ADD2: variants seen among roughly 807,000 people sequenced by gnomAD.
ADD2 encodes beta-adducin.
A neutral mutation model predicts 83.0 loss-of-function variants in ADD2; 23 were observed. The ratio of observed to expected loss-of-function variants is 0.28; its 90% CI spans 0.20 to 0.39. ADD2 has a LOEUF of 0.39. Ranked by LOEUF, ADD2 falls within the 10% of genes least tolerant of loss-of-function variation. ADD2 has a pLI of 1.00. For missense variants in ADD2, 758 were observed against 944.9 expected (o/e 0.80, Z 2.59); for synonymous variants, 375 against 375.4 (o/e 1.00, Z 0.01).
chr2:70,690,374 G>A (rs1216422978), intron 8 of ADD2, among the ~76,000 whole-genome samples: 2 of 152,162 alleles, frequency 1.3e-5, no homozygotes, highest in African/African-American at 4.8e-5. Context: ...TGGGATTACG[G>A]GCATGAGCCC....
intron 12 of ADD2, among the ~76,000 whole-genome samples, chr2:70,677,539 A>T (rs1174555395): frequency 6.6e-6 from 1 of 152,250 alleles, no homozygotes; most frequent in South Asian, 2.1e-4. Context: ...GCTGGTGTGT[A>T]AACCAAGCTG....
chr2:70,724,918 A>C (rs1553377967), intron 1 of ADD2, among the ~76,000 whole-genome samples: 1 of 152,236 alleles, frequency 6.6e-6, no homozygotes, highest in African/African-American at 2.4e-5. Flanking sequence ...CTCTCCAGAA[A>C]GTGGAACAAA....
chr2:70,684,569 G>C (rs1670622821), intron 9 of ADD2, among the ~76,000 whole-genome samples: 1 of 152,204 alleles, frequency 6.6e-6, no homozygotes, highest in Admixed American at 6.5e-5. Context: ...TTTTTTAAAA[G>C]TCACTTGAAA....
intron 1 of ADD2, among the ~76,000 whole-genome samples, chr2:70,716,312 T>A (rs1672464749): frequency 6.6e-6 from 1 of 152,042 alleles, no homozygotes. Flanking sequence ...CCCTGACCTC[T>A]CTGCATTTGC....
chr2:70,758,643 T>A (rs61188071), intron 1 of ADD2, among the ~76,000 whole-genome samples: 98 of 151,862 alleles, frequency 6.5e-4, no homozygotes, highest in African/African-American at 1.8e-3. Context: ...ACCAGAATTT[T>A]AAAAAAAATA....
intron 1 of ADD2, among the ~76,000 whole-genome samples, chr2:70,758,045 C>G (rs1235399527): frequency 6.6e-6 from 1 of 152,192 alleles, no homozygotes. Flanking sequence ...GAACAAATCT[C>G]CATCACTTCT....
chr2:70,695,209 T>G lies in ADD2; in HGVS notation c.555+512A>C, dbSNP rs1022403515. ...TGTATCTGAGAAGGATTGGGCCTTT[T>G]CTGCTTCTAAGACAGTCCTTTCTAC... is the stretch of plus-strand genomic sequence containing the variant. On this transcript the variant is annotated intron_variant, in intron 6 of 15. Coordinates refer to ENST00000264436, the MANE Select transcript of ADD2 (RefSeq NM_001617.4). Among the ~76,000 whole-genome samples, 5 of 152,300 alleles carry G rather than the reference T, an allele frequency of 3.3e-5. No individual in the cohort carries two copies. In the East Asian group the frequency reaches 7.7e-4, roughly 24 times the overall value.
intron 8 of ADD2, 124 bp from the exon 9 acceptor site, chr2:70,688,246 C>T: frequency 1.5e-6 from 1 of 669,886 alleles, no homozygotes; most frequent in Non-Finnish European, 2.6e-6. Context: ...CTCCCAACTC[C>T]TTATGTTCTC....
chr2:70,734,918 G>A (rs560684470), intron 1 of ADD2, among the ~76,000 whole-genome samples: 11 of 152,252 alleles, frequency 7.2e-5, no homozygotes, highest in African/African-American at 2.4e-4. Flanking sequence ...CATAGCCCTG[G>A]AAGAACTTGT....
At chr2:70,675,706 T>A in intron 13 of ADD2, 1 of 985,436 alleles carries the variant, frequency 1.0e-6, no homozygotes, top group South Asian at 4.7e-5. Context: ...GCCCGCCAGG[T>A]CTTCTGCCCC....
At chr2:70,722,637 T>C (rs934749673) in intron 1 of ADD2, among the ~76,000 whole-genome samples, 1 of 152,218 alleles carries the variant, frequency 6.6e-6, no homozygotes, top group Non-Finnish European at 1.5e-5. Context: ...TACAGTGTCC[T>C]GAGAGCTACA....
At chr2:70,667,633 G>C (rs1669700241) in intron 15 of ADD2, among the ~76,000 whole-genome samples, 1 of 152,094 alleles carries the variant, frequency 6.6e-6, no homozygotes, top group Non-Finnish European at 1.5e-5. Context: ...TTCGCTTTTT[G>C]GTGGGGGGAT....
At chr2:70,729,579 A>C (rs1457312889) in intron 1 of ADD2, among the ~76,000 whole-genome samples, 1 of 152,112 alleles carries the variant, frequency 6.6e-6, no homozygotes, top group Non-Finnish European at 1.5e-5. Flanking sequence ...GTTGTCAGTG[A>C]CTGGCCTGGG....
chr2:70,702,221 C>T (rs1671620529), intron 4 of ADD2, among the ~76,000 whole-genome samples: 1 of 152,166 alleles, frequency 6.6e-6, no homozygotes, highest in Non-Finnish European at 1.5e-5. Flanking sequence ...GACTGGAGTG[C>T]AGTGGTGCAA....
At chr2:70,693,369 G>T (rs2104330549) in intron 6 of ADD2, among the ~76,000 whole-genome samples, 1 of 152,246 alleles carries the variant, frequency 6.6e-6, no homozygotes, top group Non-Finnish European at 1.5e-5. Flanking sequence ...CCAGATGATA[G>T]TCTCTAAAAC....
At chr2:70,669,853 G>A (rs1311222342) in intron 15 of ADD2, among the ~76,000 whole-genome samples, 1 of 151,804 alleles carries the variant, frequency 6.6e-6, no homozygotes, top group Non-Finnish European at 1.5e-5. Flanking sequence ...ACCACATAGA[G>A]GGAGAGAGAG....
At chr2:70,679,307 G>C (rs1033437177) in intron 10 of ADD2, among the ~76,000 whole-genome samples, 9 of 152,174 alleles carry the variant, frequency 5.9e-5, no homozygotes, top group Non-Finnish European at 4.4e-5. Context: ...TAGAATCACG[G>C]GGGGAGCTTC....
At chr2:70,665,351 C>A (rs753031553) in intron 15 of ADD2, among the ~76,000 whole-genome samples, 1 of 152,144 alleles carries the variant, frequency 6.6e-6, no homozygotes, top group Non-Finnish European at 1.5e-5. Context: ...CAGACCACTG[C>A]GGAGCACCAG....
intron 1 of ADD2, among the ~76,000 whole-genome samples, chr2:70,741,999 CTG>C (rs1320635905): frequency 1.3e-5 from 2 of 151,602 alleles, no homozygotes; most frequent in African/African-American, 4.8e-5. Context: ...AGTTTTCAAA[CTG>C]TGTTCCAAGA....
Sources: gnomAD v4.1 joint callset for allele counts (sites outside exome capture counted in the v4.1 genomes callset) on GRCh38, gnomAD v4.1.1 for gene constraint, MANE v1.5 for transcripts, NCBI Gene and HGNC (gene_info 2026-07-23, HGNC 2026-07-21) for gene names.